The following GAP43 variants were observed in gnomAD, a reference collection of about 807,000 sequenced individuals.
The protein encoded by GAP43 is growth associated protein 43.
A neutral mutation model predicts 18.6 loss-of-function variants in GAP43; 6 were observed. The ratio of observed to expected loss-of-function variants is 0.32; its 90% CI spans 0.18 to 0.64. The LOEUF (loss-of-function observed/expected upper bound fraction) is 0.64. Ranked by LOEUF, GAP43 falls within the 30% of genes least tolerant of loss-of-function variation. The probability of loss-of-function intolerance (pLI) is 0.78; values close to 1 mark genes in which losing one functional copy is unlikely to be tolerated. For missense variants in GAP43, 292 were observed against 295.5 expected, an observed-to-expected ratio of 0.99 and a Z score of 0.09; for synonymous variants, 115 against 111.4, an observed-to-expected ratio of 1.03 and a Z score of -0.20.
Position 115,703,760 on chromosome 3 carries a change from C to T in GAP43, c.629-17034C>T, listed in dbSNP as rs114669010. Among the ~76,000 whole-genome samples the T allele has an allele frequency of 9.6e-3, 1,464 of 152,122 alleles. 23 individuals are homozygous for T. Among genetic ancestry groups the T allele is most frequent in the African/African-American group, 0.034 (1,406 of 41,512 alleles). ...TGGCTGTATTATATGATAGGCAGAG[C>T]GTACATGACTCTATAGAGCTATCCT... On this transcript the variant is annotated intron_variant, in intron 2 of 2. Coordinates refer to ENST00000305124, the MANE Select transcript of GAP43 (RefSeq NM_002045.4).
intron 1 of GAP43, among the ~76,000 whole-genome samples, chr3:115,626,859 C>T (rs1708193620): frequency 6.6e-6 from 1 of 152,084 alleles, no homozygotes. Flanking sequence ...GACCTCTCTG[C>T]CTTTCCTTGC....
intron 2 of GAP43, among the ~76,000 whole-genome samples, chr3:115,715,933 C>A (rs283362): frequency 6.6e-6 from 1 of 152,110 alleles, no homozygotes; most frequent in African/African-American, 2.4e-5. Context: ...TACAGTGTGG[C>A]CTTACGTAAA....
At chr3:115,626,903 C>G (rs1479927602) in intron 1 of GAP43, among the ~76,000 whole-genome samples, 4 of 152,096 alleles carry the variant, frequency 2.6e-5, no homozygotes, top group African/African-American at 9.7e-5. Context: ...TGCTGCCTTG[C>G]TGCTTGGTGC....
At chr3:115,642,827 G>A (rs1708413730) in intron 1 of GAP43, among the ~76,000 whole-genome samples, 1 of 151,996 alleles carries the variant, frequency 6.6e-6, no homozygotes, top group Non-Finnish European at 1.5e-5. Context: ...CATTAAGTGA[G>A]TCATATACCT....
intron 1 of GAP43, among the ~76,000 whole-genome samples, chr3:115,643,868 G>A (rs1419475383): frequency 3.3e-5 from 5 of 151,926 alleles, no homozygotes; most frequent in Non-Finnish European, 5.9e-5. Flanking sequence ...TACAGTGCCT[G>A]GTACATATGA....
intron 2 of GAP43, among the ~76,000 whole-genome samples, chr3:115,717,183 T>C (rs1393327070): frequency 6.6e-6 from 1 of 152,180 alleles, no homozygotes; most frequent in Non-Finnish European, 1.5e-5. Context: ...TGAGGTTATG[T>C]GCTGGACATG....
At position 115,666,552 on chromosome 3, in the gene GAP43, T is replaced by C. The variant is rs1330167697; in HGVS notation, c.31-9461T>C. Reference sequence around the variant, plus strand: ...GGTAGCAGCCACCCCTTTCTGAGTATGTACAAAGTGTCAGGGACTGTGCTG... The same window carrying C: ...GGTAGCAGCCACCCCTTTCTGAGTACGTACAAAGTGTCAGGGACTGTGCTG... On this transcript the variant is annotated intron_variant, in intron 1 of 2. Coordinates refer to ENST00000305124, the MANE Select transcript of GAP43 (RefSeq NM_002045.4). Among the ~76,000 whole-genome samples, 43 of 152,156 alleles carry C rather than the reference T, an allele frequency of 2.8e-4. 1 individual carries two copies. Among genetic ancestry groups the C allele is most frequent in the Non-Finnish European group, 1.5e-5 (1 of 68,018 alleles).
intron 2 of GAP43, among the ~76,000 whole-genome samples, chr3:115,714,873 G>GCA (rs111292409): frequency 0.31 from 45,899 of 150,286 alleles, 7,266 homozygotes; most frequent in South Asian, 0.37. Flanking sequence ...GTGTGCGCGT[G>GCA]CACACACACA....
Position 115,676,157 on chromosome 3 carries a change from G to A in GAP43, c.175G>A (p.Val59Ile), listed in dbSNP as rs6291. 68 of 1,614,132 alleles carry A rather than the reference G, an allele frequency of 4.2e-5. No homozygotes were observed. The highest frequency in any genetic ancestry group is 5.8e-5 in the Non-Finnish European group (68 of 1,179,992). The change falls in exon 2 of 3, where the codon GTC (valine) becomes ATC (isoleucine). Residue 59 changes from valine to isoleucine, a missense_variant. Val to Ile is a conservative substitution (Grantham distance 29). Coordinates refer to ENST00000305124, the MANE Select transcript of GAP43 (RefSeq NM_002045.4). ...KKLKGEKKDD[V>I]QAAEAEANKK... ...GCTCAAAGGAGAGAAGAAGGATGAT[G>A]TCCAAGCTGCTGAGGCTGAAGCTAA... is the stretch of plus-strand genomic sequence containing the variant.
chr3:115,627,077 G>A (rs1273143504), intron 1 of GAP43, among the ~76,000 whole-genome samples: 1 of 145,436 alleles, frequency 6.9e-6, no homozygotes, highest in African/African-American at 2.5e-5. Context: ...TTCACCACAG[G>A]TTTCCAAATT....
intron 1 of GAP43, among the ~76,000 whole-genome samples, chr3:115,654,316 C>T (rs548487315): frequency 2.0e-5 from 3 of 152,144 alleles, no homozygotes; most frequent in African/African-American, 4.8e-5. Context: ...TAGATGAAAC[C>T]GCAAAGGAGG....
In GAP43 at chr3:115,623,844, A is replaced by G. The variant is rs1708148283; in HGVS notation, c.30+125A>G. ...CGTGGTGCTCGCGCTTCCTTAGCATATGGTAACTGATGGTTGCATCCCAGC... is the reference window on the plus strand; with the variant it reads ...CGTGGTGCTCGCGCTTCCTTAGCATGTGGTAACTGATGGTTGCATCCCAGC... On this transcript the variant is annotated intron_variant, in intron 1 of 2. Transcript: ENST00000305124. 4.5e-6 allele frequency: 4 copies of G among 882,376 alleles called. No homozygotes were observed. In the East Asian group the frequency reaches 9.6e-5, roughly 21 times the overall value. The allele number at this position is 882,376 out of a possible 1,614,324, so 54.7% of individuals were successfully genotyped here. A position where few individuals can be genotyped will look rare whatever the true frequency, so the allele number is the denominator to read the frequency against.
At chr3:115,661,257 T>A (rs557186562) in intron 1 of GAP43, 2 of 152,182 alleles carry the variant, frequency 1.3e-5, no homozygotes, top group Admixed American at 6.5e-5. Context: ...CAGCAAGTTT[T>A]CTGTGCTTTT....
intron 1 of GAP43, among the ~76,000 whole-genome samples, chr3:115,624,548 A>G (rs11923384): frequency 0.045 from 6,805 of 152,160 alleles, 286 homozygotes; most frequent in South Asian, 0.13. Flanking sequence ...GTGACCAGAG[A>G]CAGGCTAACA....
intron 2 of GAP43, among the ~76,000 whole-genome samples, chr3:115,704,665 G>A (rs957622993): frequency 6.6e-6 from 1 of 152,014 alleles, no homozygotes; most frequent in Non-Finnish European, 1.5e-5. Context: ...AGGGAGAGAG[G>A]ATTAGAGTAA....
At chr3:115,648,827 C>T (rs1292406033) in intron 1 of GAP43, among the ~76,000 whole-genome samples, 1 of 151,948 alleles carries the variant, frequency 6.6e-6, no homozygotes, top group Non-Finnish European at 1.5e-5. Context: ...GGGAAGCCAA[C>T]AAAAAGAAAG....
chr3:115,683,848 A>G (rs1708998098), intron 2 of GAP43, among the ~76,000 whole-genome samples: 1 of 152,186 alleles, frequency 6.6e-6, no homozygotes, highest in Non-Finnish European at 1.5e-5. Context: ...AAAACTCTAC[A>G]TTCACAGTCG....
chr3:115,691,748 C>A (rs1709118434), intron 2 of GAP43, among the ~76,000 whole-genome samples: 2 of 152,158 alleles, frequency 1.3e-5, no homozygotes, highest in African/African-American at 4.8e-5. Flanking sequence ...GCAACATTAC[C>A]AAGTCCTTAC....
intron 1 of GAP43, among the ~76,000 whole-genome samples, chr3:115,645,496 G>C (rs1231189211): frequency 6.6e-6 from 1 of 151,862 alleles, no homozygotes; most frequent in Non-Finnish European, 1.5e-5. Flanking sequence ...TTATCTTCTT[G>C]TTTTGGCTTC....
Sources: allele counts gnomAD v4.1 joint callset (sites outside exome capture counted in the v4.1 genomes callset), GRCh38; gene constraint gnomAD v4.1.1; transcripts MANE v1.5; gene names NCBI Gene and HGNC (gene_info 2026-07-23, HGNC 2026-07-21).